Variants in DLGAP2 observed in about 807,000 individuals in gnomAD.
DLGAP2 encodes disks large-associated protein 2.
Under a neutral mutation model 100.3 loss-of-function variants are expected in DLGAP2, and 26 were observed. The ratio of observed to expected loss-of-function variants is 0.26; its 90% CI spans 0.19 to 0.36. The LOEUF is 0.36. Among genes scored for constraint, DLGAP2 ranks in the 10% least tolerant of loss-of-function variants. DLGAP2 has a pLI of 1.00. For synonymous variants in DLGAP2, 886 were observed against 630.1 expected (o/e 1.41, Z -6.08); for missense variants, 1,858 against 1,453.2 (o/e 1.28, Z -4.53).
intron 1 of DLGAP2, among the ~76,000 whole-genome samples, chr8:903,666 G>A (rs4735827): frequency 0.47 from 71,905 of 151,818 alleles, 17,909 homozygotes; most frequent in Admixed American, 0.62. Context: ...TGAATGGCAC[G>A]GCCATGGAGG....
intron 3 of DLGAP2, among the ~76,000 whole-genome samples, chr8:1,261,677 A>G (rs1044523144): frequency 6.6e-6 from 1 of 152,212 alleles, no homozygotes. Flanking sequence ...CAGTTGCTCC[A>G]GATCAGGGAG....
intron 1 of DLGAP2, among the ~76,000 whole-genome samples, chr8:853,105 C>T (rs920927781): frequency 2.0e-5 from 3 of 152,190 alleles, no homozygotes; most frequent in African/African-American, 7.2e-5. Context: ...TAACATTGCA[C>T]TTAGGTGTGT....
intron 2 of DLGAP2, among the ~76,000 whole-genome samples, chr8:1,208,902 A>AAATT (rs1798049775): frequency 6.7e-6 from 1 of 149,296 alleles, no homozygotes; most frequent in Non-Finnish European, 1.5e-5. Context: ...ATAAATAAAT[A>AAATT]AATAAATAAA....
At chr8:1,139,367 T>G (rs180729475) in intron 2 of DLGAP2, among the ~76,000 whole-genome samples, 2,623 of 152,338 alleles carry the variant, frequency 0.017, 72 homozygotes, top group African/African-American at 0.06. Context: ...AGACATTTCC[T>G]TCTCACAGTT....
chr8:1,042,606 G>A (rs1400561731), intron 2 of DLGAP2, among the ~76,000 whole-genome samples: 1 of 152,202 alleles, frequency 6.6e-6, no homozygotes, highest in African/African-American at 2.4e-5. Flanking sequence ...CAGGTCCCCA[G>A]GAGCCAGTGG....
intron 1 of DLGAP2, among the ~76,000 whole-genome samples, chr8:859,490 G>C (rs1037933642): frequency 6.6e-6 from 1 of 152,044 alleles, no homozygotes; most frequent in African/African-American, 2.4e-5. Flanking sequence ...GCTGGTTAGC[G>C]GCACGTGTGA....
At position 952,711 on chromosome 8, in the gene DLGAP2, A is replaced by G. The variant is rs189156332; in HGVS notation, c.73+44745A>G. Among the ~76,000 whole-genome samples the G allele has an allele frequency of 2.5e-3, 382 of 152,308 alleles. 2 individuals carry two copies. Among genetic ancestry groups the G allele is most frequent in the Non-Finnish European group, 4.6e-3 (311 of 68,034 alleles). ...AAGAAACAGGTATATATGAAAAAAC[A>G]CCTATTGTCCACAAAACACCTTACC... On this transcript the variant is annotated intron_variant, in intron 2 of 14. Coordinates refer to ENST00000637795, the MANE Select transcript of DLGAP2 (RefSeq NM_001346810.2).
chr8:807,268 C>G (rs1403918186), intron 1 of DLGAP2, among the ~76,000 whole-genome samples: 1 of 148,986 alleles, frequency 6.7e-6, no homozygotes, highest in Non-Finnish European at 1.5e-5. Flanking sequence ...TACGTTCTCT[C>G]TCCTCTTTTT....
At chr8:1,044,659 C>G (rs988888813) in intron 2 of DLGAP2, among the ~76,000 whole-genome samples, 3 of 152,158 alleles carry the variant, frequency 2.0e-5, no homozygotes, top group African/African-American at 7.2e-5. Context: ...TAGATGACTT[C>G]GATTCCCATT....
At chr8:1,156,682 C>T (rs1224823923) in intron 2 of DLGAP2, among the ~76,000 whole-genome samples, 3 of 119,558 alleles carry the variant, frequency 2.5e-5, no homozygotes, top group African/African-American at 9.5e-5. Flanking sequence ...CGTCCCAGCC[C>T]AGCACCCCAG....
intron 2 of DLGAP2, among the ~76,000 whole-genome samples, chr8:1,099,506 T>G (rs1373895475): frequency 6.6e-6 from 1 of 152,254 alleles, no homozygotes; most frequent in Non-Finnish European, 1.5e-5. Context: ...GTTTCTGGTC[T>G]GTGCTACCAC....
At chr8:1,327,399 A>G (rs778246663) in intron 3 of DLGAP2, among the ~76,000 whole-genome samples, 13 of 152,224 alleles carry the variant, frequency 8.5e-5, no homozygotes, top group Non-Finnish European at 1.6e-4. Flanking sequence ...AGAATGATGT[A>G]TGCCTGAGTC....
chr8:1,588,738 TAA>T (rs11358700), intron 6 of DLGAP2, among the ~76,000 whole-genome samples: 33,340 of 91,104 alleles, frequency 0.37, 4,771 homozygotes, highest in East Asian at 0.41. Context: ...CTGTCTTTAC[TAA>T]AAAAAAAAAA....
chr8:1,264,183 C>A (rs570163899), intron 3 of DLGAP2, among the ~76,000 whole-genome samples: 1 of 152,126 alleles, frequency 6.6e-6, no homozygotes, highest in Admixed American at 6.5e-5. Flanking sequence ...AAAGGGGATC[C>A]CCTGAGCCCC....
intron 3 of DLGAP2, among the ~76,000 whole-genome samples, chr8:1,382,055 G>A (rs1406313659): frequency 2.6e-5 from 4 of 152,042 alleles, no homozygotes; most frequent in Non-Finnish European, 5.9e-5. Context: ...ACCCCCTCAT[G>A]CAGTCAGAAA....
intron 6 of DLGAP2, among the ~76,000 whole-genome samples, chr8:1,580,980 C>T (rs1451188677): frequency 6.6e-6 from 1 of 150,660 alleles, no homozygotes; most frequent in African/African-American, 2.5e-5. Flanking sequence ...CACAAACTAC[C>T]AGAAGTGAAG....
chr8:1,287,850 GGTT>G (rs1328578563), intron 3 of DLGAP2, among the ~76,000 whole-genome samples: 75 of 134,608 alleles, frequency 5.6e-4, no homozygotes, highest in African/African-American at 2.1e-3. Flanking sequence ...GTGTGTGTGT[GGTT>G]GTTAGGAGGG....
intron 2 of DLGAP2, among the ~76,000 whole-genome samples, chr8:1,095,415 G>A (rs1385017849): frequency 6.6e-6 from 1 of 152,146 alleles, no homozygotes; most frequent in Non-Finnish European, 1.5e-5. Context: ...GTTCTTGTTG[G>A]GATCCTCCAT....
intron 1 of DLGAP2, among the ~76,000 whole-genome samples, chr8:852,334 C>T (rs542636699): frequency 1.7e-3 from 257 of 152,282 alleles, no homozygotes; most frequent in African/African-American, 5.9e-3. Flanking sequence ...CATGAAACCA[C>T]AGTAGCCTCC....
Sources: allele counts gnomAD v4.1 joint callset (sites outside exome capture counted in the v4.1 genomes callset), GRCh38; gene constraint gnomAD v4.1.1; transcripts MANE v1.5; gene names NCBI Gene and HGNC (gene_info 2026-07-23, HGNC 2026-07-21).